BBX: variants seen among roughly 807,000 people sequenced by gnomAD.
BBX encodes the protein HMG box transcription factor BBX.
BBX carries 30 observed loss-of-function variants against 100.2 expected under a neutral mutation model. The ratio of observed to expected loss-of-function variants is 0.30; its 90% confidence interval spans 0.22 to 0.41. BBX has a LOEUF of 0.41. Among genes scored for constraint, BBX ranks in the 10% least tolerant of loss-of-function variants. The pLI is 1.00. For synonymous variants in BBX, 376 were observed against 388.1 expected, an observed-to-expected ratio of 0.97 and a Z score of 0.37; for missense variants, 1,023 against 1,129.8, an observed-to-expected ratio of 0.91 and a Z score of 1.35.
At chr3:107,802,379 A>G (rs948496750) in intron 17 of BBX, among the ~76,000 whole-genome samples, 1 of 152,220 alleles carries the variant, frequency 6.6e-6, no homozygotes, top group South Asian at 2.1e-4. Flanking sequence ...ATTCCTCTTT[A>G]TGTGTACACT....
rs1406729407 is a variant in BBX, at chr3:107,806,276, T to C, written c.*819T>C. On this transcript the variant is annotated 3_prime_UTR_variant, in exon 18 of 18. Transcript: ENST00000325805. ...TGCAGATTACAGATTACTGGTGTTT[T>C]CATGCCTTGAGGATTCTTTTATTTT... 1.3e-5 allele frequency: 2 copies of C among 152,216 alleles called. No individual in the cohort carries two copies. Among genetic ancestry groups the C allele is most frequent in the African/African-American group, 2.4e-5 (1 of 41,462 alleles). 9.4% of individuals were successfully genotyped at this position (152,216 alleles called of 1,614,324 possible).
chr3:107,745,429 T>A (rs2064494063), intron 8 of BBX, among the ~76,000 whole-genome samples: 1 of 152,172 alleles, frequency 6.6e-6, no homozygotes, highest in Non-Finnish European at 1.5e-5. Context: ...TTTGCCCAAC[T>A]GTTTTACAGT....
intron 2 of BBX, chr3:107,526,866 CA>C (rs1323966799): frequency 6.6e-6 from 1 of 152,282 alleles, no homozygotes; most frequent in Non-Finnish European, 1.5e-5. Flanking sequence ...GTGTTTGTAA[CA>C]GTTACTTTTG....
intron 7 of BBX, among the ~76,000 whole-genome samples, chr3:107,743,044 A>G (rs1353901154): frequency 6.6e-6 from 1 of 152,178 alleles, no homozygotes; most frequent in Non-Finnish European, 1.5e-5. Flanking sequence ...TATGTCATAT[A>G]GACTTTATGC....
At chr3:107,548,590 A>G (rs558784929) in intron 2 of BBX, among the ~76,000 whole-genome samples, 22 of 152,350 alleles carry the variant, frequency 1.4e-4, no homozygotes, top group Non-Finnish European at 2.6e-4. Context: ...GAGATTTCTC[A>G]AAGAACTTAA....
chr3:107,588,662 G>T (rs533771343), intron 2 of BBX, among the ~76,000 whole-genome samples: 32 of 152,144 alleles, frequency 2.1e-4, no homozygotes, highest in Admixed American at 1.0e-3. Flanking sequence ...TATACACTTT[G>T]GCCATTAAGA....
chr3:107,605,410 C>A (rs139718514), intron 2 of BBX, among the ~76,000 whole-genome samples: 45 of 151,672 alleles, frequency 3.0e-4, no homozygotes, highest in African/African-American at 9.9e-4. Context: ...AATATTAAAC[C>A]CCACAGCATT....
chr3:107,603,779 A>G (rs1313734355), intron 2 of BBX, among the ~76,000 whole-genome samples: 1 of 152,196 alleles, frequency 6.6e-6, no homozygotes, highest in African/African-American at 2.4e-5. Context: ...AAGACCCCTC[A>G]GCAGCAAAGG....
chr3:107,656,617 C>A (rs928260185), intron 3 of BBX, among the ~76,000 whole-genome samples: 1 of 152,200 alleles, frequency 6.6e-6, no homozygotes, highest in Non-Finnish European at 1.5e-5. Context: ...CCTCTTTAAT[C>A]TTTCTCCTGC....
chr3:107,736,480 A>G (rs2063645663), intron 7 of BBX, among the ~76,000 whole-genome samples: 1 of 151,994 alleles, frequency 6.6e-6, no homozygotes, highest in Non-Finnish European at 1.5e-5. Context: ...AAAAGTAATC[A>G]TGTTCACATC....
rs766163785 is a variant in BBX at position 107,670,499 on chromosome 3, A to G, written c.-10+24590A>G. Among the ~76,000 whole-genome samples the G allele has an allele frequency of 5.9e-5, 9 of 152,234 alleles. No individual in the cohort carries two copies. The East Asian group carries it at 1.2e-3, about 20-fold the overall frequency. On this transcript the variant is annotated intron_variant, in intron 3 of 17. Transcript: ENST00000325805. ...CAATAATTACCCTGATCTGATTACT[A>G]TACATCGTATGTATTGAAATATCAA...
chr3:107,577,437 T>C (rs1454105177), intron 2 of BBX, among the ~76,000 whole-genome samples: 1 of 152,196 alleles, frequency 6.6e-6, no homozygotes, highest in African/African-American at 2.4e-5. Context: ...AGTAAAGATA[T>C]TCTGCTACTA....
chr3:107,572,313 T>A (rs2051431382), intron 2 of BBX, among the ~76,000 whole-genome samples: 1 of 152,230 alleles, frequency 6.6e-6, no homozygotes, highest in African/African-American at 2.4e-5. Context: ...ATTTATTTTT[T>A]TTTAAATGTG....
chr3:107,570,499 T>C (rs2051272766), intron 2 of BBX, among the ~76,000 whole-genome samples: 1 of 152,180 alleles, frequency 6.6e-6, no homozygotes, highest in African/African-American at 2.4e-5. Flanking sequence ...GCCTAAATGC[T>C]GTCTGATTTG....
At chr3:107,686,166 G>C (rs569794921) in intron 3 of BBX, among the ~76,000 whole-genome samples, 1 of 152,198 alleles carries the variant, frequency 6.6e-6, no homozygotes, top group African/African-American at 2.4e-5. Flanking sequence ...AGGAAAATAC[G>C]TAAATATGTG....
intron 3 of BBX, among the ~76,000 whole-genome samples, chr3:107,701,279 C>T (rs1007790632): frequency 1.3e-5 from 2 of 152,104 alleles, no homozygotes; most frequent in African/African-American, 4.8e-5. Context: ...AAAGCTCAGG[C>T]TCTAGGGAAC....
chr3:107,651,602 T>C lies in BBX; in HGVS notation c.-10+5693T>C, dbSNP rs544293405. Among the ~76,000 whole-genome samples the C allele has an allele frequency of 3.9e-5, 6 of 152,308 alleles. No homozygotes were observed. The South Asian group carries it at 8.3e-4, about 21-fold the overall frequency. On this transcript the variant is annotated intron_variant, in intron 3 of 17. Transcript: ENST00000325805. ...ATTCACATTTTGTAAGGCAATATTC[T>C]TTTACTTTGTGAATCAGTTGAGAAT...
intron 3 of BBX, among the ~76,000 whole-genome samples, chr3:107,649,139 C>G (rs2057693206): frequency 6.6e-6 from 1 of 152,206 alleles, no homozygotes; most frequent in Non-Finnish European, 1.5e-5. Flanking sequence ...ACCATCTGAT[C>G]TCTTGAGACT....
At chr3:107,577,345 G>A (rs112542832) in intron 2 of BBX, among the ~76,000 whole-genome samples, 1,575 of 152,240 alleles carry the variant, frequency 0.01, 15 homozygotes, top group South Asian at 0.02. Context: ...CAGCTAAGAA[G>A]TAAACCCATA....
Sources: allele counts gnomAD v4.1 joint callset (sites outside exome capture counted in the v4.1 genomes callset), GRCh38; gene constraint gnomAD v4.1.1; transcripts MANE v1.5; gene names NCBI Gene and HGNC (gene_info 2026-07-23, HGNC 2026-07-21).